Variants in BCR observed in about 807,000 individuals in gnomAD.
BCR encodes breakpoint cluster region protein.
A neutral mutation model predicts 138.6 loss-of-function variants in BCR; 58 were observed. That is an observed-to-expected ratio of 0.42 (90% CI 0.34 to 0.52). The LOEUF (loss-of-function observed/expected upper bound fraction) is 0.52. Ranked by LOEUF, BCR falls within the 20% of genes least tolerant of loss-of-function variation. BCR has a pLI of 0.06. For missense variants in BCR, 1,599 were observed against 1,727.2 expected, an observed-to-expected ratio of 0.93 and a Z score of 1.32; for synonymous variants, 786 against 730.1, an observed-to-expected ratio of 1.08 and a Z score of -1.23.
At chr22:23,218,825 A>C (rs2072786969) in intron 1 of BCR, among the ~76,000 whole-genome samples, 1 of 152,222 alleles carries the variant, frequency 6.6e-6, no homozygotes, top group African/African-American at 2.4e-5. Context: ...TCTGTCCTGG[A>C]ATGAGCACAT....
At chr22:23,197,760 A>G (rs978162775) in intron 1 of BCR, among the ~76,000 whole-genome samples, 2 of 152,018 alleles carry the variant, frequency 1.3e-5, no homozygotes, top group Admixed American at 6.6e-5. Context: ...GAGTTTGGCA[A>G]AAGTGTGTGT....
At position 23,314,090 on chromosome 22, in the gene BCR, A is replaced by G. The variant is rs760661747; in HGVS notation, c.3563+17A>G. ...CCTGAAAAGGTAGCCCAGCTCTCCC[A>G]TGGCAGCCCAGGGCTCCAGGTCCCC... On this transcript the variant is annotated intron_variant, in intron 21 of 22. Coordinates refer to ENST00000305877, the MANE Select transcript of BCR (RefSeq NM_004327.4). 49 of 1,601,406 alleles carry G rather than the reference A, an allele frequency of 3.1e-5. No individual in the cohort carries two copies. The Middle Eastern group carries it at 6.6e-4, about 22-fold the overall frequency.
chr22:23,207,562 A>T (rs6003554), intron 1 of BCR, among the ~76,000 whole-genome samples: 6 of 152,120 alleles, frequency 3.9e-5, no homozygotes, highest in African/African-American at 1.4e-4. Flanking sequence ...GTTTGAGGCT[A>T]CATTGAGCTG....
intron 1 of BCR, among the ~76,000 whole-genome samples, 188 bp downstream of exon 1, chr22:23,182,427 T>A (rs1023923917): frequency 6.6e-6 from 1 of 152,216 alleles, no homozygotes; most frequent in Non-Finnish European, 1.5e-5. Context: ...GAATGCATAC[T>A]GTTAGTGTTT....
rs565110868 is a variant in BCR, at chr22:23,312,720, CAG to C, written c.3323-165_3323-164del. ...CGCACCCCTATCAACTCTGCAGACA[CAG>C]AACCATGCACAGCTCTTGGGAGGAG... On this transcript the variant is annotated intron_variant, in intron 19 of 22. Transcript: ENST00000305877. 19 of 596,552 alleles carry C rather than the reference CAG, an allele frequency of 3.2e-5. No homozygotes were observed. In the South Asian group the frequency reaches 3.8e-4, roughly 12 times the overall value. 37.0% of individuals were successfully genotyped at this position (596,552 alleles called of 1,614,324 possible).
intron 1 of BCR, among the ~76,000 whole-genome samples, chr22:23,233,861 G>T (rs1051062700): frequency 6.6e-6 from 1 of 151,510 alleles, no homozygotes; most frequent in Non-Finnish European, 1.5e-5. Context: ...AGGGAGGCGT[G>T]CCAGCCAGGG....
chr22:23,244,754 A>C (rs1035074672), intron 1 of BCR, among the ~76,000 whole-genome samples: 1 of 152,186 alleles, frequency 6.6e-6, no homozygotes. Context: ...TGAGCCCCAG[A>C]GTCCTAAAAA....
intron 1 of BCR, among the ~76,000 whole-genome samples, chr22:23,235,236 C>T (rs1237299456): frequency 6.9e-6 from 1 of 144,116 alleles, no homozygotes; most frequent in Non-Finnish European, 1.6e-5. Context: ...TACAGGCATG[C>T]ACCCAGCTAA....
intron 1 of BCR, among the ~76,000 whole-genome samples, chr22:23,183,835 C>G (rs766922226): frequency 6.6e-6 from 1 of 152,224 alleles, no homozygotes; most frequent in African/African-American, 2.4e-5. Context: ...TCCTACAGCT[C>G]CTGTAGACTT....
Position 23,268,492 on chromosome 22 carries a change from G to A in BCR, c.1837G>A (p.Ala613Thr), listed in dbSNP as rs764228203. Residue 613 changes from alanine to threonine, a missense_variant, in exon 5 of 23, where the codon GCT becomes ACT. By Grantham distance (58) the Ala-to-Thr change is moderately conservative. Around this residue, in one of 4 missense-constraint regions of BCR, gnomAD observed 590 missense variants for 762.4 expected, o/e 0.77. Transcript: ENST00000305877. Reference sequence around the variant, plus strand: ...GGCTGAGAAGTGCTGTCAGGCCAATGCTCAGTTTGCAGAAATCTCCGAGGT... The same window carrying A: ...GGCTGAGAAGTGCTGTCAGGCCAATACTCAGTTTGCAGAAATCTCCGAGGT... ...EMAEKCCQANAQFAEISENLR... is the reference protein window; with the variant it reads ...EMAEKCCQANTQFAEISENLR... The A allele has an allele frequency of 6.2e-7, 1 of 1,613,824 alleles. No individual in the cohort carries two copies. Among genetic ancestry groups the A allele is most frequent in the East Asian group, 2.2e-5 (1 of 44,882 alleles).
intron 4 of BCR, among the ~76,000 whole-genome samples, chr22:23,266,086 T>C (rs1053999244): frequency 2.6e-5 from 4 of 152,134 alleles, no homozygotes; most frequent in Admixed American, 6.5e-5. Context: ...CTTGACTTTT[T>C]TTTTTTCTTT....
Position 23,268,310 on chromosome 22 carries a change from C to T in BCR, c.1753-98C>T, listed in dbSNP as rs78183517. ...TGCAGCCTGTGTGCCGTCTGCTGTC[C>T]CTGGAGTTTCTGCAGAGCTGTGCAC... On this transcript the variant is annotated intron_variant, in intron 4 of 22. Coordinates refer to ENST00000305877, the MANE Select transcript of BCR (RefSeq NM_004327.4). 6.2e-6 allele frequency: 6 copies of T among 968,114 alleles called. No individual in the cohort carries two copies. The African/African-American group carries it at 1.0e-4, about 16-fold the overall frequency. 60.0% of individuals were successfully genotyped at this position (968,114 alleles called of 1,614,324 possible). A position where few individuals can be genotyped will look rare whatever the true frequency, so the allele number is the denominator to read the frequency against.
At chr22:23,292,178 C>T (rs780845335) in intron 14 of BCR, among the ~76,000 whole-genome samples, 3 of 152,184 alleles carry the variant, frequency 2.0e-5, no homozygotes, top group Non-Finnish European at 4.4e-5. Context: ...GATGGCTGCC[C>T]TCTGCTGTGG....
intron 1 of BCR, among the ~76,000 whole-genome samples, chr22:23,182,695 C>T (rs560569007): frequency 4.5e-4 from 69 of 152,316 alleles, no homozygotes; most frequent in Non-Finnish European, 8.2e-4. Context: ...CCCACTGATC[C>T]TGTTCTGGAG....
intron 8 of BCR, among the ~76,000 whole-genome samples, chr22:23,276,538 G>A (rs2073578813): frequency 6.6e-6 from 1 of 152,238 alleles, no homozygotes; most frequent in Non-Finnish European, 1.5e-5. Context: ...TAGCTGCAAA[G>A]CAAGGTGGAG....
rs67417858 is a variant in BCR, at chr22:23,226,305, T to TGAGA, written c.1280-27474_1280-27471dup. On this transcript the variant is annotated intron_variant, in intron 1 of 22. Coordinates refer to ENST00000305877, the MANE Select transcript of BCR (RefSeq NM_004327.4). ...TTTATATTTATTGGCATTAAGTGTA[T>TGAGA]GAGAGAGAGAGAGAGAGAGAGAGTG... 2.9e-3 allele frequency among the ~76,000 whole-genome samples: 436 copies of TGAGA among 149,040 alleles called. 1 individual carries two copies. The highest frequency in any genetic ancestry group is 1.0e-2 in the African/African-American group (402 of 40,334).
At chr22:23,279,072 G>T (rs2073611988) in intron 8 of BCR, among the ~76,000 whole-genome samples, 1 of 152,314 alleles carries the variant, frequency 6.6e-6, no homozygotes, top group East Asian at 1.9e-4. Context: ...TGCATGGGAG[G>T]GTTCTGTGGA....
At chr22:23,280,690 C>G (rs1280961830) in intron 8 of BCR, among the ~76,000 whole-genome samples, 1 of 152,228 alleles carries the variant, frequency 6.6e-6, no homozygotes, top group Non-Finnish European at 1.5e-5. Context: ...AGTGAAGATG[C>G]AGGCTGTCCT....
intron 1 of BCR, among the ~76,000 whole-genome samples, chr22:23,240,280 T>C (rs2073073953): frequency 6.6e-6 from 1 of 151,912 alleles, no homozygotes; most frequent in South Asian, 2.1e-4. Context: ...TCTTTTGTTT[T>C]AAATTTCAGA....
Sources: gnomAD v4.1 joint callset for allele counts (sites outside exome capture counted in the v4.1 genomes callset) on GRCh38, gnomAD v4.1.1 for gene constraint, gnomAD v4.1.1 regional missense constraint, MANE v1.5 for transcripts, NCBI Gene and HGNC (gene_info 2026-07-23, HGNC 2026-07-21) for gene names.